The following EXD3 variants were observed in gnomAD, a reference collection of about 807,000 sequenced individuals.
EXD3 encodes the protein exonuclease mut-7 homolog.
In EXD3, 92 loss-of-function variants were observed where a neutral mutation model predicts 98.0. The observed-to-expected ratio is 0.94, with a 90% CI of 0.79 to 1.12. The LOEUF (loss-of-function observed/expected upper bound fraction) is 1.12, where lower values mean the gene tolerates loss of function less well. EXD3 is among the 50% of genes most tolerant of loss of function. EXD3 has a pLI of 0.00. For missense variants in EXD3, 1,222 were observed against 1,191.6 expected (o/e 1.03, Z -0.38); for synonymous variants, 569 against 526.0 (o/e 1.08, Z -1.12).
intron 7 of EXD3, among the ~76,000 whole-genome samples, chr9:137,356,619 G>A (rs1834804704): frequency 6.6e-6 from 1 of 152,076 alleles, no homozygotes; most frequent in Admixed American, 6.6e-5. Context: ...TTGACTTCTG[G>A]GTATTTGGTA....
At chr9:137,319,664 G>A (rs1040491563) in intron 19 of EXD3, among the ~76,000 whole-genome samples, 3 of 152,310 alleles carry the variant, frequency 2.0e-5, no homozygotes, top group Non-Finnish European at 2.9e-5. Context: ...AGGCGGGTGC[G>A]CACATGGGAC....
At chr9:137,396,019 G>A (rs1429751704) in intron 1 of EXD3, among the ~76,000 whole-genome samples, 2 of 150,374 alleles carry the variant, frequency 1.3e-5, no homozygotes, top group African/African-American at 4.9e-5. Flanking sequence ...CCAGGCTGGA[G>A]TGCAGTGGGG....
chr9:137,334,226 G>A (rs904423972), intron 17 of EXD3, among the ~76,000 whole-genome samples: 1 of 152,064 alleles, frequency 6.6e-6, no homozygotes, highest in Non-Finnish European at 1.5e-5. Flanking sequence ...GGTCTCGAAC[G>A]CCCGACCTCA....
chr9:137,397,953 C>A (rs1588421665), intron 1 of EXD3, among the ~76,000 whole-genome samples: 1 of 146,302 alleles, frequency 6.8e-6, no homozygotes, highest in Admixed American at 6.7e-5. Context: ...AAGAAAACCC[C>A]AAAAAACCAT....
chr9:137,346,713 G>C (rs539866504), intron 17 of EXD3, among the ~76,000 whole-genome samples: 2 of 152,062 alleles, frequency 1.3e-5, no homozygotes, highest in African/African-American at 4.8e-5. Flanking sequence ...TGATCCTCAG[G>C]ACTCTCCCAC....
At position 137,386,095 on chromosome 9, in the gene EXD3, A is replaced by C. The variant is rs148832789; in HGVS notation, c.56-2718T>G. ...TGGGTCGCTTGAGCCCTGGAGTTTG[A>C]GACCAGCCTGGGCAAGACAGCAAGA... is the stretch of plus-strand genomic sequence containing the variant. On this transcript the variant is annotated intron_variant, in intron 2 of 21. Transcript: ENST00000340951. Among the ~76,000 whole-genome samples, 388 of 152,156 alleles carry C rather than the reference A, an allele frequency of 2.6e-3. 2 individuals carry two copies. The highest frequency in any genetic ancestry group is 9.0e-3 in the African/African-American group (373 of 41,542).
At chr9:137,421,475 C>T (rs1018500043) in intron 1 of EXD3, among the ~76,000 whole-genome samples, 2 of 152,286 alleles carry the variant, frequency 1.3e-5, no homozygotes, top group South Asian at 2.1e-4. Flanking sequence ...GATTCTAGCC[C>T]TGATCATTGT....
chr9:137,367,745 G>C (rs932530126), intron 6 of EXD3, 191 bp downstream of exon 6: 6 of 572,104 alleles, frequency 1.0e-5, no homozygotes, highest in African/African-American at 1.9e-5. Context: ...GTGCGGCTGC[G>C]TCTGATTTGG....
At chr9:137,350,384 T>A (rs1588319114) in intron 14 of EXD3, among the ~76,000 whole-genome samples, 1 of 33,530 alleles carries the variant, frequency 3.0e-5, no homozygotes, top group Non-Finnish European at 5.5e-5. Context: ...TAGAGAGGGG[T>A]GGGGATCACG....
chr9:137,374,643 A>G (rs983202532), intron 3 of EXD3: 23 of 985,440 alleles, frequency 2.3e-5, no homozygotes, highest in Non-Finnish European at 2.7e-5. Context: ...AGCGCTGTCC[A>G]GGAGGGTGCC....
chr9:137,352,105 C>A lies in EXD3; in HGVS notation c.1134G>T (p.Ser378=). The part of the protein sequence containing the change: ...IPRENVHLLA[S]WEDLTRHEGA... ...CCTCGTGTCTGGTCAGGTCTTCCCA[C>A]GAGGCCAGGAGGTGGACGTTCTCCC... The change falls in exon 12 of 22, where the codon TCG becomes TCT. Residue 378 remains serine (S), a synonymous_variant. Transcript: ENST00000340951. The A allele has an allele frequency of 6.2e-7, 1 of 1,612,606 alleles. No homozygotes were observed. Among genetic ancestry groups the A allele is most frequent in the East Asian group, 2.2e-5 (1 of 44,876 alleles).
rs762239994 is a variant in EXD3 at position 137,348,209 on chromosome 9, G to A, written c.1860C>T (p.Gly620=). 2.9e-5 allele frequency: 46 copies of A among 1,611,524 alleles called. No homozygotes were observed. Among genetic ancestry groups the A allele is most frequent in the Non-Finnish European group, 3.3e-5 (39 of 1,179,596 alleles). Residue 620 remains glycine (G), a synonymous_variant, in exon 17 of 22, where the codon GGC becomes GGT. Coordinates refer to ENST00000340951, the MANE Select transcript of EXD3 (RefSeq NM_017820.5). ...CCCTGGCCGGAATCTGAGGGGCAGCGCCCTCAGACACAGCCACAGCCACAG... is the reference window on the plus strand; with the variant it reads ...CCCTGGCCGGAATCTGAGGGGCAGCACCCTCAGACACAGCCACAGCCACAG... The part of the protein sequence containing the change: ...QVPVAVAVSE[G]AAPQIPARAF...
chr9:137,364,719 A>C, intron 7 of EXD3, among the ~76,000 whole-genome samples: 1 of 151,294 alleles, frequency 6.6e-6, no homozygotes, highest in South Asian at 2.1e-4. Context: ...TTTCTTCGCA[A>C]TGAGACCCCT....
In EXD3 at chr9:137,355,690, AAAGGGAGG is replaced by A. The variant is rs200535950; in HGVS notation, c.757+570_757+577del. On this transcript the variant is annotated intron_variant, in intron 8 of 21. Coordinates refer to ENST00000340951, the MANE Select transcript of EXD3 (RefSeq NM_017820.5). ...GAGAAAGGGAGGATGGAGGAAGGAG[AAAGGGAGG>A]AAGGAGGAAGGAGGAAGGAGGAAGG... 4.7e-4 allele frequency among the ~76,000 whole-genome samples: 11 copies of A among 23,172 alleles called. 1 individual carries two copies. Among genetic ancestry groups the A allele is most frequent in the South Asian group, 3.5e-3 (2 of 576 alleles). 15.2% of individuals were successfully genotyped at this position (23,172 alleles called of 152,430 possible).
chr9:137,373,119 TG>T, intron 4 of EXD3, 47 bp from the exon 5 acceptor site: 1 of 1,512,172 alleles, frequency 6.6e-7, no homozygotes, highest in Non-Finnish European at 8.8e-7. Flanking sequence ...ACCCAGTGGC[TG>T]GGCCATGGGG....
Position 137,347,972 on chromosome 9 carries a change from G to A in EXD3, c.1998+99C>T. On this transcript the variant is annotated intron_variant, in intron 17 of 21. Transcript: ENST00000340951. This position sits in a 1 kb window ranked among gnomAD's most constrained non-coding sequence, Gnocchi z 4.2. The stretch of plus-strand genomic sequence containing the variant: ...CTGCCTGGCACAGCTGGCAGCCATG[G>A]ATGAGCTGGAGGGAGGAGTTTGATG... The A allele has an allele frequency of 1.5e-6, 2 of 1,365,342 alleles. No individual in the cohort carries two copies. The highest frequency in any genetic ancestry group is 2.8e-5 in the South Asian group (2 of 70,248). 84.6% of individuals were successfully genotyped at this position (1,365,342 alleles called of 1,614,324 possible).
chr9:137,410,992 GCCCCAGC>G (rs1424536649), intron 1 of EXD3, among the ~76,000 whole-genome samples: 1 of 152,190 alleles, frequency 6.6e-6, no homozygotes, highest in African/African-American at 2.4e-5. Flanking sequence ...TGTGCCTGGA[GCCCCAGC>G]CCCCAGCCTC....
chr9:137,384,096 G>T (rs7049234), intron 2 of EXD3, among the ~76,000 whole-genome samples: 5 of 152,016 alleles, frequency 3.3e-5, no homozygotes, highest in African/African-American at 1.2e-4. Context: ...GGAGGCCTGA[G>T]GACAGGAGCC....
At chr9:137,307,744 A>C (rs1588208471) in intron 20 of EXD3, 98 bp from the exon 21 acceptor site, 1 of 1,336,422 alleles carries the variant, frequency 7.5e-7, no homozygotes, top group Non-Finnish European at 1.0e-6. Context: ...GAGCACAGTC[A>C]CCTCATGGGG....
Sources: allele counts gnomAD v4.1 joint callset (sites outside exome capture counted in the v4.1 genomes callset), GRCh38; gene constraint gnomAD v4.1.1; non-coding constraint Gnocchi (gnomAD v3.1); transcripts MANE v1.5; gene names NCBI Gene and HGNC (gene_info 2026-07-23, HGNC 2026-07-21).